The following DACH2 variants were observed in gnomAD, a reference collection of about 807,000 sequenced individuals.
DACH2 encodes the protein dachshund homolog 2.
Under a neutral mutation model 35.8 loss-of-function variants are expected in DACH2, and 17 were observed. That is an observed-to-expected ratio of 0.48 (90% CI 0.33 to 0.71). The LOEUF (loss-of-function observed/expected upper bound fraction) is 0.71. Ranked by LOEUF, DACH2 falls within the 30% of genes least tolerant of loss-of-function variation. DACH2 has a pLI of 0.02. For missense variants in DACH2, 469 were observed against 472.7 expected, an observed-to-expected ratio of 0.99 and a Z score of 0.07; for synonymous variants, 195 against 177.3, an observed-to-expected ratio of 1.10 and a Z score of -0.79.
At chrX:86,626,212 G>T (rs2040135482) in intron 3 of DACH2, among the ~76,000 whole-genome samples, 2 of 112,620 alleles carry the variant, frequency 1.8e-5, no homozygotes, top group Admixed American at 1.9e-4. Flanking sequence ...CAAGCCTTTT[G>T]CAAGTCTGAA....
chrX:86,523,343 C>T (rs2038585291), intron 3 of DACH2, among the ~76,000 whole-genome samples: 1 of 111,016 alleles, frequency 9.0e-6, no homozygotes, highest in Non-Finnish European at 1.9e-5. Context: ...TGATGCATTT[C>T]AAATTTTCAC....
At chrX:86,331,961 GTTTGA>G (rs2035221379) in intron 1 of DACH2, among the ~76,000 whole-genome samples, 1 of 111,695 alleles carries the variant, frequency 9.0e-6, no homozygotes, top group African/African-American at 3.3e-5. Context: ...ATAAGACTCA[GTTTGA>G]AAAGATTTTT....
intron 1 of DACH2, among the ~76,000 whole-genome samples, chrX:86,235,244 A>C (rs958962954): frequency 8.9e-6 from 1 of 112,116 alleles, no homozygotes; most frequent in Non-Finnish European, 1.9e-5. Flanking sequence ...TATCAGCATG[A>C]TTTATAACTG....
At chrX:86,366,634 C>T (rs2035810616) in intron 1 of DACH2, among the ~76,000 whole-genome samples, 1 of 110,761 alleles carries the variant, frequency 9.0e-6, no homozygotes, top group African/African-American at 3.3e-5. Context: ...TTTGTCCCCT[C>T]CAAATCTCAT....
chrX:86,447,188 G>A (rs1395911931), intron 2 of DACH2, among the ~76,000 whole-genome samples: 3 of 97,179 alleles, frequency 3.1e-5, no homozygotes, highest in Non-Finnish European at 6.2e-5. Flanking sequence ...GTAGATTCTG[G>A]ATATTAGCCC....
At chrX:86,225,040 G>A (rs780856423) in intron 1 of DACH2, among the ~76,000 whole-genome samples, 1 of 111,482 alleles carries the variant, frequency 9.0e-6, no homozygotes, top group South Asian at 3.8e-4. Flanking sequence ...TTATTTGCGA[G>A]CCCTGGCATT....
At chrX:86,596,149 A>T (rs2039708882) in intron 3 of DACH2, among the ~76,000 whole-genome samples, 1 of 112,085 alleles carries the variant, frequency 8.9e-6, no homozygotes, top group African/African-American at 3.2e-5. Context: ...ACAATTTTTT[A>T]ATCCATTTAT....
intron 1 of DACH2, among the ~76,000 whole-genome samples, chrX:86,191,030 G>C (rs1167957122): frequency 1.8e-5 from 2 of 112,247 alleles, no homozygotes; most frequent in Non-Finnish European, 3.8e-5. Flanking sequence ...CTGTTCATGG[G>C]AATGTAAATT....
intron 2 of DACH2, among the ~76,000 whole-genome samples, chrX:86,427,412 A>G (rs1312436474): frequency 9.0e-6 from 1 of 111,421 alleles, no homozygotes; most frequent in Admixed American, 9.6e-5. Flanking sequence ...ACTTTTTCTT[A>G]TCAGTGATTT....
intron 2 of DACH2, among the ~76,000 whole-genome samples, chrX:86,432,309 G>T (rs1459308113): frequency 2.7e-5 from 3 of 112,126 alleles, no homozygotes; most frequent in Non-Finnish European, 5.6e-5. Context: ...ATTTTCCCAT[G>T]ATATTGTTAA....
At chrX:86,368,108 T>C (rs1322070135) in intron 1 of DACH2, among the ~76,000 whole-genome samples, 1 of 112,042 alleles carries the variant, frequency 8.9e-6, no homozygotes, top group East Asian at 2.8e-4. Context: ...CCATAGTGAC[T>C]GCACTGACGA....
At chrX:86,684,561 A>T (rs1211188601) in intron 4 of DACH2, among the ~76,000 whole-genome samples, 1 of 111,411 alleles carries the variant, frequency 9.0e-6, no homozygotes, top group Admixed American at 9.6e-5. Context: ...AGGTATATAT[A>T]CTTAAATTAT....
At position 86,802,285 on chromosome X, in the gene DACH2, T is replaced by A. The variant is rs1206458980; in HGVS notation, c.1241-10571T>A. Among the ~76,000 whole-genome samples the A allele has an allele frequency of 6.3e-5, 7 of 111,014 alleles. No homozygotes were observed. In the East Asian group the frequency reaches 2.0e-3, roughly 32 times the overall value. On this transcript the variant is annotated intron_variant, in intron 7 of 11. Transcript: ENST00000373125. ...AGAAACTCTGGAAGCAAGGAATGTG[T>A]ATTTAAAAGACTTTCAGTGCATTCT...
chrX:86,308,320 G>T (rs2034730289), intron 1 of DACH2, among the ~76,000 whole-genome samples: 1 of 112,639 alleles, frequency 8.9e-6, no homozygotes, highest in South Asian at 3.7e-4. Context: ...TCCTTAGGTG[G>T]CAGAGGCCAA....
intron 1 of DACH2, among the ~76,000 whole-genome samples, chrX:86,180,692 G>A (rs2031460154): frequency 9.0e-6 from 1 of 111,534 alleles, no homozygotes; most frequent in South Asian, 3.7e-4. Context: ...ATGCCAGCTG[G>A]TTACAGTCAT....
At chrX:86,551,833 T>G (rs1470008082) in intron 3 of DACH2, among the ~76,000 whole-genome samples, 1 of 111,871 alleles carries the variant, frequency 8.9e-6, no homozygotes, top group African/African-American at 3.2e-5. Context: ...ATGAGTGTGC[T>G]TTCCCCAGGT....
At chrX:86,709,878 A>C (rs985149032) in intron 5 of DACH2, among the ~76,000 whole-genome samples, 1 of 112,387 alleles carries the variant, frequency 8.9e-6, no homozygotes, top group Admixed American at 9.5e-5. Flanking sequence ...TAAAATCCAA[A>C]ATTGTCAACT....
At chrX:86,186,482 G>T (rs1353403633) in intron 1 of DACH2, among the ~76,000 whole-genome samples, 5 of 112,031 alleles carry the variant, frequency 4.5e-5, no homozygotes, top group African/African-American at 1.6e-4. Context: ...GAATCATTGA[G>T]CCTACCATTG....
At chrX:86,288,487 G>A (rs1169402727) in intron 1 of DACH2, among the ~76,000 whole-genome samples, 3 of 112,096 alleles carry the variant, frequency 2.7e-5, no homozygotes, top group South Asian at 7.5e-4. Flanking sequence ...AGCTCCCCCA[G>A]ACGCCTGACA....
Sources: allele counts gnomAD v4.1 joint callset (sites outside exome capture counted in the v4.1 genomes callset), GRCh38; gene constraint gnomAD v4.1.1; transcripts MANE v1.5; gene names NCBI Gene and HGNC (gene_info 2026-07-23, HGNC 2026-07-21).